C1QTNF9: variants seen among roughly 807,000 people sequenced by gnomAD.
The protein encoded by C1QTNF9 is C1q and TNF related 9.
In C1QTNF9, 6 loss-of-function variants were observed where a neutral mutation model predicts 10.1. The observed-to-expected ratio is 0.59, with a 90% confidence interval of 0.32 to 1.17. C1QTNF9 has a LOEUF of 1.17. C1QTNF9 is among the 50% of genes most tolerant of loss of function. The probability of loss-of-function intolerance (pLI) is 0.04; values close to 1 mark genes in which losing one functional copy is unlikely to be tolerated. For missense variants in C1QTNF9, 201 were observed against 418.8 expected (o/e 0.48, Z 4.54); for synonymous variants, 98 against 163.5 (o/e 0.60, Z 3.06).
At chr13:24,312,249 G>T (rs111226255) in intron 1 of C1QTNF9, among the ~76,000 whole-genome samples, 303 of 152,336 alleles carry the variant, frequency 2.0e-3, no homozygotes, top group African/African-American at 7.1e-3. Flanking sequence ...TAAGGAAGTA[G>T]AAAAATGCAG....
intron 2 of C1QTNF9, among the ~76,000 whole-genome samples, chr13:24,318,069 G>A (rs1185501750): frequency 1.3e-5 from 2 of 152,186 alleles, no homozygotes; most frequent in African/African-American, 2.4e-5. Context: ...TGGGTCTGAA[G>A]TATGGGAGTC....
chr13:24,317,803 CAA>C (rs1878099091), intron 2 of C1QTNF9, among the ~76,000 whole-genome samples: 1 of 126,534 alleles, frequency 7.9e-6, no homozygotes, highest in African/African-American at 3.0e-5. Flanking sequence ...AGCAGGGAAA[CAA>C]AAAGAGGGAA....
At chr13:24,315,845 C>A in intron 1 of C1QTNF9, 137 bp from the exon 2 acceptor site, 3 of 877,052 alleles carry the variant, frequency 3.4e-6, no homozygotes, top group Middle Eastern at 2.9e-4. Context: ...CTGCCCTGAG[C>A]CTTCTGTCCA....
At chr13:24,315,785 G>C (rs1877997557) in intron 1 of C1QTNF9, 197 bp from the exon 2 acceptor site, 1 of 581,724 alleles carries the variant, frequency 1.7e-6, no homozygotes, top group South Asian at 2.9e-5. Flanking sequence ...CCAATCACAA[G>C]TGTTACCTTC....
chr13:24,309,974 C>G (rs576730398), intron 1 of C1QTNF9, among the ~76,000 whole-genome samples: 1 of 152,288 alleles, frequency 6.6e-6, no homozygotes, highest in East Asian at 1.9e-4. Context: ...CAGCTCACTG[C>G]AACCTCGCCT....
chr13:24,317,025 C>T (rs1258534019), intron 2 of C1QTNF9, among the ~76,000 whole-genome samples: 1 of 152,118 alleles, frequency 6.6e-6, no homozygotes. Flanking sequence ...CATTTGGTGG[C>T]CTGATGATGT....
At chr13:24,312,942 G>T (rs1003516675) in intron 1 of C1QTNF9, among the ~76,000 whole-genome samples, 2 of 136,354 alleles carry the variant, frequency 1.5e-5, no homozygotes, top group Non-Finnish European at 3.1e-5. Flanking sequence ...GCGACAGAGC[G>T]AGACTCTATC....
At chr13:24,321,927 C>A (rs1182211093) in exon 4 of C1QTNF9, 1 of 1,005,294 alleles carries the variant, frequency 9.9e-7, no homozygotes, top group African/African-American at 1.7e-5. Context: ...GTGTAACTTA[C>A]TATTTTTCCA....
chr13:24,318,782 T>G (rs1423428059), intron 2 of C1QTNF9, 36 bp from the exon 3 acceptor site: 19 of 1,613,778 alleles, frequency 1.2e-5, no homozygotes, highest in Non-Finnish European at 1.4e-5. Context: ...AGAAATGGAA[T>G]TTCAACTCAT....
At chr13:24,321,857 C>A (rs191374628) in exon 4 of C1QTNF9, 2,473 of 1,390,002 alleles carry the variant, frequency 1.8e-3, no homozygotes, top group Non-Finnish European at 2.0e-3. Context: ...TTAATTCCTC[C>A]AATTATTACA....
intron 2 of C1QTNF9, among the ~76,000 whole-genome samples, chr13:24,318,529 C>G (rs1878126997): frequency 6.6e-6 from 1 of 151,824 alleles, no homozygotes; most frequent in Non-Finnish European, 1.5e-5. Flanking sequence ...CCCCATTGCA[C>G]ACACTCCCTC....
chr13:24,311,640 G>A (rs7318811), intron 1 of C1QTNF9, among the ~76,000 whole-genome samples: 42,932 of 152,116 alleles, frequency 0.28, 6,227 homozygotes, highest in East Asian at 0.38. Context: ...TCTGAAGAGC[G>A]GCCGCACCTT....
intron 1 of C1QTNF9, among the ~76,000 whole-genome samples, chr13:24,310,376 C>T (rs1462581227): frequency 3.4e-5 from 5 of 149,040 alleles, no homozygotes; most frequent in African/African-American, 1.2e-4. Flanking sequence ...TGGTCTCGAT[C>T]TCCTGACCTC....
exon 2 of C1QTNF9, chr13:24,316,141 C>G (rs374313886): frequency 6.2e-7 from 1 of 1,608,818 alleles, no homozygotes; most frequent in African/African-American, 1.3e-5. Context: ...ATGGACGAGA[C>G]GGAGCGAAGG....
chr13:24,321,444 C>T, exon 4 of C1QTNF9: 1 of 1,612,972 alleles, frequency 6.2e-7, no homozygotes. Flanking sequence ...TTGATAAGAT[C>T]CTGTATAACG....
In C1QTNF9 at chr13:24,321,155, T is replaced by G. The variant is rs370479349; in HGVS notation, c.389T>G (p.Val130Gly). Residue 130 changes from valine (V) to glycine (G), a missense_variant, in exon 4 of 4, where the codon GTG becomes GGG. Transcript: ENST00000332018. Reference sequence around the variant, plus strand: ...GGGCAGAAGGGGAATAAGGGTGACGTGGGTCCCACTGGTCCTGAGGGGCCA... The same window carrying G: ...GGGCAGAAGGGGAATAAGGGTGACGGGGGTCCCACTGGTCCTGAGGGGCCA... 5.4e-3 allele frequency: 7,439 copies of G among 1,367,460 alleles called. 42 individuals are homozygous for G. Among genetic ancestry groups the G allele is most frequent in the Non-Finnish European group, 6.6e-3 (6,701 of 1,017,928 alleles). 84.7% of individuals were successfully genotyped at this position (1,367,460 alleles called of 1,614,324 possible).
chr13:24,312,027 A>G (rs1473459420), intron 1 of C1QTNF9, among the ~76,000 whole-genome samples: 7 of 152,166 alleles, frequency 4.6e-5, no homozygotes, highest in South Asian at 4.1e-4. Context: ...GCAGTCTATC[A>G]TGGGCCCCTA....
intron 1 of C1QTNF9, among the ~76,000 whole-genome samples, chr13:24,313,867 T>C (rs1490413655): frequency 6.6e-6 from 1 of 152,256 alleles, no homozygotes; most frequent in East Asian, 1.9e-4. Context: ...ACATTTATAA[T>C]GTGCATGGCA....
chr13:24,313,617 A>G (rs1284095421), intron 1 of C1QTNF9, among the ~76,000 whole-genome samples: 1 of 152,204 alleles, frequency 6.6e-6, no homozygotes, highest in Non-Finnish European at 1.5e-5. Context: ...TTCCTTTCCC[A>G]AAAATACTCC....
Sources: allele counts gnomAD v4.1 joint callset (sites outside exome capture counted in the v4.1 genomes callset), GRCh38; gene constraint gnomAD v4.1.1; transcripts MANE v1.5; gene names NCBI Gene and HGNC (gene_info 2026-07-23, HGNC 2026-07-21).